The following UTP20 variants were observed in gnomAD, a reference collection of about 807,000 sequenced individuals.
UTP20 encodes the protein UTP20 small subunit processome component.
A neutral mutation model predicts 329.5 loss-of-function variants in UTP20; 164 were observed. That is an observed-to-expected ratio of 0.50 (90% CI 0.44 to 0.57). UTP20 has a LOEUF of 0.57. UTP20 is among the 20% of genes least tolerant of loss of function. The probability of loss-of-function intolerance (pLI) is 0.00; values close to 1 mark genes in which losing one functional copy is unlikely to be tolerated. For missense variants in UTP20, 3,055 were observed against 3,284.2 expected, an observed-to-expected ratio of 0.93 and a Z score of 1.71; for synonymous variants, 1,151 against 1,159.3, an observed-to-expected ratio of 0.99 and a Z score of 0.14.
At chr12:101,347,047 A>G (rs1349745742) in intron 38 of UTP20, among the ~76,000 whole-genome samples, 3 of 152,164 alleles carry the variant, frequency 2.0e-5, no homozygotes, top group South Asian at 4.1e-4. Context: ...GGTAGGGACT[A>G]TTCTTCAACT....
chr12:101,320,349 A>T (rs1873109463), intron 23 of UTP20, among the ~76,000 whole-genome samples: 1 of 152,114 alleles, frequency 6.6e-6, no homozygotes, highest in Admixed American at 6.5e-5. Flanking sequence ...TGAGCTCAGG[A>T]GTTCGAGACC....
intron 20 of UTP20, 112 bp downstream of exon 20, chr12:101,311,910 C>T: frequency 5.2e-6 from 8 of 1,551,614 alleles, no homozygotes; most frequent in South Asian, 2.4e-5. Context: ...CATATATTAT[C>T]ATGATAACTT....
intron 21 of UTP20, among the ~76,000 whole-genome samples, chr12:101,315,482 TAA>T (rs879469981): frequency 7.3e-6 from 1 of 136,480 alleles, no homozygotes; most frequent in Admixed American, 7.4e-5. Context: ...AGATTCCGTC[TAA>T]AAAAAAAAAA....
chr12:101,355,893 C>G (rs985245551), intron 41 of UTP20, among the ~76,000 whole-genome samples: 33 of 152,088 alleles, frequency 2.2e-4, no homozygotes, highest in Admixed American at 6.5e-5. Context: ...ACACAGTTGA[C>G]AGTTCCCACC....
intron 30 of UTP20, 78 bp from the exon 31 acceptor site, chr12:101,338,735 C>T (rs947905196): frequency 7.8e-7 from 1 of 1,278,848 alleles, no homozygotes; most frequent in Non-Finnish European, 1.1e-6. Flanking sequence ...GAGTGCTTTT[C>T]TTATCATCAT....
At chr12:101,359,623 T>A (rs1396993301) in intron 43 of UTP20, among the ~76,000 whole-genome samples, 1 of 152,176 alleles carries the variant, frequency 6.6e-6, no homozygotes, top group Non-Finnish European at 1.5e-5. Flanking sequence ...GCTCATCCAA[T>A]GAGTTTCTTA....
At chr12:101,326,126 A>G (rs945502012) in intron 25 of UTP20, among the ~76,000 whole-genome samples, 8 of 152,220 alleles carry the variant, frequency 5.3e-5, no homozygotes, top group Admixed American at 2.0e-4. Context: ...TTGAACATAT[A>G]TTAAAATGAT....
intron 18 of UTP20, among the ~76,000 whole-genome samples, chr12:101,308,848 TC>T (rs1446843711): frequency 5.6e-4 from 85 of 152,074 alleles, no homozygotes; most frequent in African/African-American, 1.9e-3. Flanking sequence ...TTCTCCTGCC[TC>T]AGCCTCCCGA....
rs765322230 is a variant in UTP20, at chr12:101,370,472, T to C, written c.6596T>C (p.Ile2199Thr). The change falls in exon 50 of 62, where the codon ATA (isoleucine) becomes ACA (threonine). Residue 2199 changes from isoleucine (I) to threonine (T), a missense_variant. This residue lies in a region of UTP20 where 273 missense variants were observed against 363.1 expected (regional missense o/e 0.75). Coordinates refer to ENST00000261637, the MANE Select transcript of UTP20 (RefSeq NM_014503.3). ...GTCAAGAAAGTCAAGTCTTACCAGA[T>C]AACTGAAAAACAGCTCCAAGTTCTA... ...ILVKKVKSYQITEKQLQVLLA... is the reference protein window; with the variant it reads ...ILVKKVKSYQTTEKQLQVLLA... The C allele has an allele frequency of 1.9e-6, 3 of 1,614,070 alleles. No homozygotes were observed. Among genetic ancestry groups the C allele is most frequent in the Admixed American group, 1.7e-5 (1 of 60,002 alleles).
chr12:101,299,772 C>T lies in UTP20; in HGVS notation c.1521C>T (p.Pro507=). Residue 507 remains proline (P), a synonymous_variant, in exon 13 of 62, where the codon CCC becomes CCT. Coordinates refer to ENST00000261637, the MANE Select transcript of UTP20 (RefSeq NM_014503.3). ...LDHLLSIIKL[P]PNKDTTYLSQ... ...ATCTTTTATCTATAATTAAGTTACCCCCAAATAAAGATACTACTTACCTTT... is the reference window on the plus strand; with the variant it reads ...ATCTTTTATCTATAATTAAGTTACCTCCAAATAAAGATACTACTTACCTTT... 1.9e-6 allele frequency: 3 copies of T among 1,613,172 alleles called. No individual in the cohort carries two copies. Among genetic ancestry groups the T allele is most frequent in the Non-Finnish European group, 2.5e-6 (3 of 1,179,700 alleles).
chr12:101,303,054 C>G (rs1242121859), intron 15 of UTP20, among the ~76,000 whole-genome samples: 1 of 152,188 alleles, frequency 6.6e-6, no homozygotes, highest in South Asian at 2.1e-4. Flanking sequence ...GATAGCAGCA[C>G]AGAGCCATTT....
In UTP20 at chr12:101,379,709, G is replaced by A. The variant is rs1870582357; in HGVS notation, c.7584+151G>A. On this transcript the variant is annotated intron_variant, in intron 57 of 61. Coordinates refer to ENST00000261637, the MANE Select transcript of UTP20 (RefSeq NM_014503.3). Reference sequence around the variant, plus strand: ...ATCAATAGGAATATTAGTCACTGGAGAGGGGTCACTCTCAAGGCCAGGGTT... The same window carrying A: ...ATCAATAGGAATATTAGTCACTGGAAAGGGGTCACTCTCAAGGCCAGGGTT... The A allele has an allele frequency of 1.5e-5, 12 of 813,262 alleles. No individual in the cohort carries two copies. The East Asian group carries it at 3.3e-4, about 23-fold the overall frequency. The allele number at this position is 813,262 out of a possible 1,614,324, so 50.4% of individuals were successfully genotyped here. A position where few individuals can be genotyped will look rare whatever the true frequency, so the allele number is the denominator to read the frequency against.
intron 29 of UTP20, 91 bp downstream of exon 29, chr12:101,334,595 G>C (rs1868873833): frequency 1.8e-6 from 2 of 1,088,880 alleles, no homozygotes; most frequent in South Asian, 1.5e-5. Context: ...TGTAATTTAT[G>C]GTCTTTCCAT....
intron 43 of UTP20, among the ~76,000 whole-genome samples, chr12:101,359,577 C>G (rs1869846623): frequency 6.6e-6 from 1 of 151,846 alleles, no homozygotes; most frequent in Non-Finnish European, 1.5e-5. Flanking sequence ...TGCAGCTTCA[C>G]TGACTCTTCC....
chr12:101,311,655 T>TA, intron 19 of UTP20, 64 bp from the exon 20 acceptor site: 5 of 1,301,808 alleles, frequency 3.8e-6, no homozygotes, highest in African/African-American at 1.5e-5. Context: ...TTTTTTTTTT[T>TA]CTATGAGCAA....
At position 101,291,805 on chromosome 12, in the gene UTP20, A is replaced by T. The variant is rs1223167575; in HGVS notation, c.955A>T (p.Ile319Phe). ...TAACTGTTGTGAAAGTTCTGAACAG[A>T]TTAAAAGGTTGTTGGAAACATACCT... ...KTNCCESSEQIKRLLETYLIL... is the reference protein window; with the variant it reads ...KTNCCESSEQFKRLLETYLIL... The change falls in exon 9 of 62, where the codon ATT (isoleucine) becomes TTT (phenylalanine). Residue 319 changes from isoleucine to phenylalanine, a missense_variant. Transcript: ENST00000261637. 1 of 1,613,706 alleles carries T rather than the reference A, an allele frequency of 6.2e-7. No homozygotes were observed. The highest frequency in any genetic ancestry group is 1.7e-5 in the Admixed American group (1 of 59,932).
chr12:101,302,676 G>C (rs1013171330), intron 15 of UTP20, 123 bp downstream of exon 15: 1 of 593,594 alleles, frequency 1.7e-6, no homozygotes, highest in Admixed American at 3.8e-5. Context: ...TATTCACGTA[G>C]TGAAATTTAA....
intron 45 of UTP20, among the ~76,000 whole-genome samples, chr12:101,364,281 TTTAG>T (rs1489856106): frequency 6.6e-6 from 1 of 152,112 alleles, no homozygotes; most frequent in African/African-American, 2.4e-5. Context: ...AGAAATTCAT[TTTAG>T]TTAGGAGTAA....
intron 11 of UTP20, among the ~76,000 whole-genome samples, chr12:101,294,467 A>G (rs986457141): frequency 2.0e-5 from 3 of 151,786 alleles, no homozygotes; most frequent in South Asian, 2.1e-4. Flanking sequence ...GGTTGAATCC[A>G]TATTCACCAC....
Sources: allele counts gnomAD v4.1 joint callset (sites outside exome capture counted in the v4.1 genomes callset), GRCh38; gene constraint gnomAD v4.1.1; regional missense constraint gnomAD v4.1.1; transcripts MANE v1.5; gene names NCBI Gene and HGNC (gene_info 2026-07-23, HGNC 2026-07-21).